Variants in FOXP1 observed in about 807,000 individuals in gnomAD.
FOXP1 encodes the protein forkhead box protein P1.
Under a neutral mutation model 98.2 loss-of-function variants are expected in FOXP1, and 15 were observed. The ratio of observed to expected loss-of-function variants is 0.15; its 90% CI spans 0.10 to 0.24. The LOEUF (loss-of-function observed/expected upper bound fraction) is 0.24. Ranked by LOEUF, FOXP1 falls within the 10% of genes least tolerant of loss-of-function variation. The pLI, the probability that FOXP1 is intolerant of heterozygous loss-of-function variation, is 1.00. For missense variants in FOXP1, 633 were observed against 848.5 expected, an observed-to-expected ratio of 0.75 and a Z score of 3.15; for synonymous variants, 371 against 314.5, an observed-to-expected ratio of 1.18 and a Z score of -1.90.
intron 6 of FOXP1, among the ~76,000 whole-genome samples, chr3:71,155,042 T>C (rs1425437245): frequency 6.6e-6 from 1 of 152,216 alleles, no homozygotes; most frequent in Non-Finnish European, 1.5e-5. Flanking sequence ...AGGGATATTA[T>C]TTCTTTTACA....
chr3:71,366,093 C>A (rs1268144166), intron 3 of FOXP1, among the ~76,000 whole-genome samples: 3 of 152,176 alleles, frequency 2.0e-5, no homozygotes, highest in African/African-American at 7.2e-5. Flanking sequence ...TATTCCCCCA[C>A]TATTCTCTCA....
chr3:71,428,267 A>G (rs1456580251), intron 3 of FOXP1, among the ~76,000 whole-genome samples: 2 of 152,222 alleles, frequency 1.3e-5, no homozygotes, highest in Admixed American at 1.3e-4. Flanking sequence ...TTATGAAGCA[A>G]TTCTGGAAAC....
intron 4 of FOXP1, among the ~76,000 whole-genome samples, chr3:71,350,634 G>A (rs147603568): frequency 9.3e-4 from 141 of 152,222 alleles, no homozygotes; most frequent in African/African-American, 3.3e-3. Context: ...CCACTCTCAA[G>A]GTAGGAAATG....
At chr3:71,144,185 G>T (rs1398010422) in intron 6 of FOXP1, among the ~76,000 whole-genome samples, 1 of 152,146 alleles carries the variant, frequency 6.6e-6, no homozygotes, top group Non-Finnish European at 1.5e-5. Flanking sequence ...AGAGATAAAA[G>T]CACTCAGAAA....
chr3:71,179,390 G>A (rs568825634), intron 6 of FOXP1, among the ~76,000 whole-genome samples: 2 of 152,148 alleles, frequency 1.3e-5, no homozygotes, highest in Admixed American at 1.3e-4. Context: ...TTACAGGTGT[G>A]AGCCACTACA....
chr3:71,570,848 G>A (rs888526800), intron 2 of FOXP1: 1 of 152,206 alleles, frequency 6.6e-6, no homozygotes, highest in Non-Finnish European at 1.5e-5. Context: ...GCAGCAGATG[G>A]TACTGCTGGT....
intron 4 of FOXP1, among the ~76,000 whole-genome samples, chr3:71,328,600 T>G (rs1428251544): frequency 1.3e-5 from 2 of 152,216 alleles, no homozygotes; most frequent in Non-Finnish European, 2.9e-5. Context: ...TTGCTTTCAA[T>G]GCAACCAGAC....
intron 3 of FOXP1, among the ~76,000 whole-genome samples, chr3:71,377,408 G>A (rs2079803800): frequency 6.6e-6 from 1 of 152,126 alleles, no homozygotes; most frequent in Admixed American, 6.6e-5. Context: ...TGTGCCATGT[G>A]CTACACTAAG....
intron 3 of FOXP1, among the ~76,000 whole-genome samples, chr3:71,428,810 A>C (rs2084404135): frequency 6.6e-6 from 1 of 152,220 alleles, no homozygotes; most frequent in Non-Finnish European, 1.5e-5. Context: ...GAACATTGGA[A>C]AGAAGGGGTT....
chr3:71,081,985 T>A (rs11918338), intron 7 of FOXP1, among the ~76,000 whole-genome samples: 7,809 of 152,278 alleles, frequency 0.051, 674 homozygotes, highest in African/African-American at 0.18. Flanking sequence ...AGACATAGAA[T>A]AGACGGTGCT....
intron 2 of FOXP1, among the ~76,000 whole-genome samples, chr3:71,577,874 T>C (rs1434095593): frequency 6.6e-6 from 1 of 152,100 alleles, no homozygotes; most frequent in Non-Finnish European, 1.5e-5. Context: ...ATGCCTTTCT[T>C]GAGGTTATTT....
chr3:71,214,691 G>A (rs2064783174), intron 5 of FOXP1, among the ~76,000 whole-genome samples: 1 of 152,162 alleles, frequency 6.6e-6, no homozygotes, highest in Non-Finnish European at 1.5e-5. Flanking sequence ...AAATACCTGA[G>A]TTAAGATTCA....
At chr3:71,339,449 T>C (rs2076884654) in intron 4 of FOXP1, among the ~76,000 whole-genome samples, 1 of 152,232 alleles carries the variant, frequency 6.6e-6, no homozygotes, top group Admixed American at 6.5e-5. Flanking sequence ...ACTGTATAAT[T>C]ACTAGGGCTC....
At chr3:71,198,480 G>T (rs2063451829) in intron 5 of FOXP1, 88 bp from the exon 6 acceptor site, 3 of 1,202,012 alleles carry the variant, frequency 2.5e-6, no homozygotes, top group South Asian at 2.5e-5. Flanking sequence ...TAAGGAGAAG[G>T]GCCTTGGTTT....
intron 14 of FOXP1, among the ~76,000 whole-genome samples, chr3:70,980,114 G>T (rs2038558516): frequency 6.6e-6 from 1 of 152,140 alleles, no homozygotes; most frequent in Admixed American, 6.5e-5. Context: ...CTGGCTTTCT[G>T]ACACACATTT....
At chr3:71,406,824 G>A (rs553147653) in intron 3 of FOXP1, among the ~76,000 whole-genome samples, 1 of 152,002 alleles carries the variant, frequency 6.6e-6, no homozygotes, top group Non-Finnish European at 1.5e-5. Flanking sequence ...TGACAATAAC[G>A]TGAAAGTGGG....
At chr3:71,350,588 G>A (rs1002570566) in intron 4 of FOXP1, among the ~76,000 whole-genome samples, 1 of 152,160 alleles carries the variant, frequency 6.6e-6, no homozygotes, top group African/African-American at 2.4e-5. Context: ...TAGACTCCTC[G>A]AGGACAGAGG....
chr3:71,240,360 C>A (rs2067149716), intron 5 of FOXP1, among the ~76,000 whole-genome samples: 2 of 152,242 alleles, frequency 1.3e-5, no homozygotes, highest in African/African-American at 4.8e-5. Flanking sequence ...AGGCACATGG[C>A]TGGTCTCCTG....
chr3:70,985,106 C>G (rs1473408810), intron 14 of FOXP1, among the ~76,000 whole-genome samples: 2 of 152,038 alleles, frequency 1.3e-5, no homozygotes, highest in African/African-American at 4.8e-5. Context: ...TTCTTCTACA[C>G]AGAAATGGAA....
Sources: allele counts gnomAD v4.1 joint callset (sites outside exome capture counted in the v4.1 genomes callset), GRCh38; gene constraint gnomAD v4.1.1; transcripts MANE v1.5; gene names NCBI Gene and HGNC (gene_info 2026-07-23, HGNC 2026-07-21).